Variants in ZFR observed in about 807,000 individuals in gnomAD.
ZFR encodes the protein zinc finger RNA binding protein.
ZFR carries 19 observed loss-of-function variants against 130.7 expected under a neutral mutation model. The observed-to-expected ratio is 0.15, with a 90% confidence interval of 0.10 to 0.21. The LOEUF is 0.21. Among genes scored for constraint, ZFR ranks in the 10% least tolerant of loss-of-function variants. The probability of loss-of-function intolerance (pLI) is 1.00; values close to 1 mark genes in which losing one functional copy is unlikely to be tolerated. For missense variants in ZFR, 872 were observed against 1,321.5 expected, an observed-to-expected ratio of 0.66 and a Z score of 5.27; for synonymous variants, 466 against 456.9, an observed-to-expected ratio of 1.02 and a Z score of -0.25.
At chr5:32,367,641 T>C (rs1752576397) in intron 17 of ZFR, among the ~76,000 whole-genome samples, 1 of 152,072 alleles carries the variant, frequency 6.6e-6, no homozygotes, top group Non-Finnish European at 1.5e-5. Flanking sequence ...CTTGAACTCC[T>C]GGGCTCAAGT....
Position 32,380,590 on chromosome 5 carries a change from T to C in ZFR, c.2642-418A>G, listed in dbSNP as rs554251988. The stretch of plus-strand genomic sequence containing the variant: ...TATAACAAAGAACTGATGATAAATA[T>C]AGAATGCTCAATATAGTTACAGTTA... On this transcript the variant is annotated intron_variant, in intron 15 of 19. Coordinates refer to ENST00000265069, the MANE Select transcript of ZFR (RefSeq NM_016107.5). Among the ~76,000 whole-genome samples the C allele has an allele frequency of 2.6e-5, 4 of 151,132 alleles. No homozygotes were observed. The South Asian group carries it at 8.3e-4, about 32-fold the overall frequency.
intron 11 of ZFR, among the ~76,000 whole-genome samples, chr5:32,394,838 T>G (rs1753264864): frequency 6.6e-6 from 1 of 152,198 alleles, no homozygotes; most frequent in South Asian, 2.1e-4. Flanking sequence ...AATCTTATAC[T>G]TCTATCAGGA....
chr5:32,367,441 T>TA (rs988459795), intron 17 of ZFR, among the ~76,000 whole-genome samples: 4 of 129,262 alleles, frequency 3.1e-5, no homozygotes, highest in Admixed American at 1.9e-4. Context: ...ATCTCAAAAA[T>TA]AATAAATAAA....
rs151203103 is a variant in ZFR, at chr5:32,414,094, G to T, written c.784+875C>A. Among the ~76,000 whole-genome samples, 232 of 152,220 alleles carry T rather than the reference G, an allele frequency of 1.5e-3. 2 individuals carry two copies. The highest frequency in any genetic ancestry group is 5.0e-3 in the African/African-American group (209 of 41,522). On this transcript the variant is annotated intron_variant, in intron 5 of 19. Coordinates refer to ENST00000265069, the MANE Select transcript of ZFR (RefSeq NM_016107.5). The stretch of plus-strand genomic sequence containing the variant: ...CCACAAGATAAAGACACACACCATA[G>T]CAGAGCACACATGGCTTTACATACT...
chr5:32,443,118 T>C lies in ZFR; in HGVS notation c.137+1111A>G, dbSNP rs184703996. ...CTGGCTCCCAATGATGCCCTTTCCA[T>C]TAAACACCGTGCCTCCTGAAGTAAA... On this transcript the variant is annotated intron_variant, in intron 2 of 19. Transcript: ENST00000265069. Among the ~76,000 whole-genome samples the C allele has an allele frequency of 1.7e-4, 26 of 151,844 alleles. No homozygotes were observed. The East Asian group carries it at 4.6e-3, about 27-fold the overall frequency.
chr5:32,365,323 T>C (rs1224660911), intron 17 of ZFR, among the ~76,000 whole-genome samples: 1 of 152,134 alleles, frequency 6.6e-6, no homozygotes, highest in African/African-American at 2.4e-5. Flanking sequence ...TTATCAGAAG[T>C]AAAAACTGCG....
At chr5:32,381,530 C>T (rs758038973) in intron 15 of ZFR, among the ~76,000 whole-genome samples, 10 of 151,524 alleles carry the variant, frequency 6.6e-5, no homozygotes, top group South Asian at 2.1e-4. Context: ...TGAATATGGA[C>T]GAAAAAATAC....
chr5:32,385,801 A>C, intron 14 of ZFR, 152 bp from the exon 15 acceptor site: 1 of 679,756 alleles, frequency 1.5e-6, no homozygotes, highest in Non-Finnish European at 2.4e-6. Flanking sequence ...CCTGCCGTAC[A>C]TGCCAGTATT....
rs111771096 is a variant in ZFR, at chr5:32,416,617, A to C, written c.565+1031T>G. ...CGACAAGAGTGAAACTCCGTCTCAA[A>C]AAAAAAAAAAAGAGAAGAGACCACA... On this transcript the variant is annotated intron_variant, in intron 4 of 19. Coordinates refer to ENST00000265069, the MANE Select transcript of ZFR (RefSeq NM_016107.5). Among the ~76,000 whole-genome samples the C allele has an allele frequency of 1.8e-3, 158 of 88,924 alleles. 1 individual carries two copies. Among genetic ancestry groups the C allele is most frequent in the East Asian group, 3.2e-3 (7 of 2,174 alleles). The allele number at this position is 88,924 out of a possible 152,430, so 58.3% of individuals were successfully genotyped here.
At chr5:32,368,241 T>G (rs1327223329) in intron 17 of ZFR, among the ~76,000 whole-genome samples, 9 of 610 alleles carry the variant, frequency 0.015, no homozygotes, top group Non-Finnish European at 0.016. Context: ...ATCAAAACTT[T>G]TTTCCCCCCC....
chr5:32,366,065 T>C (rs1204844443), intron 17 of ZFR, among the ~76,000 whole-genome samples: 2 of 152,216 alleles, frequency 1.3e-5, no homozygotes, highest in South Asian at 2.1e-4. Flanking sequence ...ATAAGGTCAG[T>C]GTTACTCATC....
chr5:32,364,945 G>A (rs1752510496), intron 17 of ZFR: 1 of 152,202 alleles, frequency 6.6e-6, no homozygotes, highest in South Asian at 2.1e-4. Context: ...CCTAATTCCA[G>A]AACATTTTCA....
At chr5:32,372,864 G>A (rs1282779043) in intron 17 of ZFR, among the ~76,000 whole-genome samples, 1 of 151,398 alleles carries the variant, frequency 6.6e-6, no homozygotes, top group Non-Finnish European at 1.5e-5. Context: ...ACAAAAAAAG[G>A]AACAAAATGA....
intron 17 of ZFR, among the ~76,000 whole-genome samples, chr5:32,374,234 G>A (rs145904421): frequency 0.012 from 1,888 of 152,220 alleles, 20 homozygotes; most frequent in Non-Finnish European, 0.018. Flanking sequence ...GGACAGGCAC[G>A]GTGGCTCACG....
intron 6 of ZFR, 51 bp from the exon 7 acceptor site, chr5:32,404,148 T>C: frequency 6.8e-7 from 1 of 1,467,806 alleles, no homozygotes; most frequent in Non-Finnish European, 9.2e-7. Flanking sequence ...TCTTTACACA[T>C]TAAGATTATT....
intron 2 of ZFR, among the ~76,000 whole-genome samples, chr5:32,433,734 T>C (rs1754272021): frequency 6.6e-6 from 1 of 152,254 alleles, no homozygotes; most frequent in Admixed American, 6.5e-5. Flanking sequence ...TTTTCAGCAT[T>C]TGTCCACTAA....
chr5:32,395,268 G>T lies in ZFR; in HGVS notation c.1870C>A (p.Pro624Thr). The T allele has an allele frequency of 6.3e-7, 1 of 1,596,860 alleles. No individual in the cohort carries two copies. The highest frequency in any genetic ancestry group is 8.5e-7 in the Non-Finnish European group (1 of 1,173,128). The part of the protein sequence containing the change: ...VNPDLQVEVK[P>T]SIRARKIQEE... ...TGAATCTTTCTTGCTCGAATACTAG[G>T]CTTTACTTCTACTTGCAAATCTGGA... The change falls in exon 11 of 20, where the codon CCT becomes ACT. Residue 624 changes from proline to threonine, a missense_variant. By Grantham distance (38) the Pro-to-Thr change is conservative. Transcript: ENST00000265069.
intron 5 of ZFR, among the ~76,000 whole-genome samples, chr5:32,408,676 G>A (rs755455303): frequency 4.6e-5 from 7 of 152,184 alleles, no homozygotes; most frequent in Non-Finnish European, 7.4e-5. Flanking sequence ...AGTAATAGAG[G>A]ACGTTTGTAG....
chr5:32,437,091 A>G (rs1381961091), intron 2 of ZFR, among the ~76,000 whole-genome samples: 2 of 152,280 alleles, frequency 1.3e-5, no homozygotes, highest in African/African-American at 2.4e-5. Flanking sequence ...TGCAATCCAG[A>G]TATTTGTCTT....
Sources: allele counts gnomAD v4.1 joint callset (sites outside exome capture counted in the v4.1 genomes callset), GRCh38; gene constraint gnomAD v4.1.1; transcripts MANE v1.5; gene names NCBI Gene and HGNC (gene_info 2026-07-23, HGNC 2026-07-21).